ZFAND6: variants seen among roughly 807,000 people sequenced by gnomAD.
The protein encoded by ZFAND6 is AN1-type zinc finger protein 6.
ZFAND6 carries 12 observed loss-of-function variants against 24.5 expected under a neutral mutation model. The ratio of observed to expected loss-of-function variants is 0.49; its 90% CI spans 0.31 to 0.79. The LOEUF (loss-of-function observed/expected upper bound fraction) is 0.79. ZFAND6 is among the 30% of genes least tolerant of loss of function. The probability of loss-of-function intolerance (pLI) is 0.04; values close to 1 mark genes in which losing one functional copy is unlikely to be tolerated. For synonymous variants in ZFAND6, 92 were observed against 81.5 expected (o/e 1.13, Z -0.69); for missense variants, 207 against 245.9 (o/e 0.84, Z 1.06).
intron 1 of ZFAND6, chr15:80,073,302 G>T (rs997923022): frequency 2.9e-5 from 10 of 347,828 alleles, no homozygotes; most frequent in Non-Finnish European, 5.7e-5. Context: ...AACAGGAAAT[G>T]AAAGGATTTA....
chr15:80,088,598 T>C (rs893176292), intron 1 of ZFAND6, among the ~76,000 whole-genome samples: 10 of 152,224 alleles, frequency 6.6e-5, no homozygotes, highest in African/African-American at 2.4e-4. Flanking sequence ...CCTCACTCTT[T>C]CCTTATGCTT....
At chr15:80,077,609 A>C (rs1210437529) in intron 1 of ZFAND6, among the ~76,000 whole-genome samples, 4 of 152,006 alleles carry the variant, frequency 2.6e-5, no homozygotes, top group African/African-American at 9.7e-5. Flanking sequence ...GGATCAAATT[A>C]TTAACTATAG....
chr15:80,123,102 C>G, intron 5 of ZFAND6: 1 of 199,790 alleles, frequency 5.0e-6, no homozygotes, highest in South Asian at 1.1e-4. Flanking sequence ...CCGTTTCAGT[C>G]TATATACTAC....
rs532341148 is a variant in ZFAND6, at chr15:80,060,187, G to A, written c.-181+378G>A. On this transcript the variant is annotated intron_variant, in intron 1 of 6. Coordinates refer to ENST00000261749, the MANE Select transcript of ZFAND6 (RefSeq NM_019006.4). ...CGGGTTGCGAGCGGTTGGCTGGCGGGGGTCGGAAGGGCCCCGGGCACACTG... is the reference window on the plus strand; with the variant it reads ...CGGGTTGCGAGCGGTTGGCTGGCGGAGGTCGGAAGGGCCCCGGGCACACTG... 0.012 allele frequency: 1,900 copies of A among 152,170 alleles called. 33 individuals carry two copies. The highest frequency in any genetic ancestry group is 0.016 in the Non-Finnish European group (1,082 of 67,990). 9.4% of individuals were successfully genotyped at this position (152,170 alleles called of 1,614,324 possible).
At chr15:80,131,015 C>G in intron 5 of ZFAND6, 165 bp from the exon 6 acceptor site, 2 of 487,496 alleles carry the variant, frequency 4.1e-6, no homozygotes, top group Non-Finnish European at 7.4e-6. Context: ...ATACATTTAA[C>G]AAAAAGGGGT....
In ZFAND6 at chr15:80,096,356, C is replaced by T. The variant is rs148471084; in HGVS notation, c.-180-2060C>T. ...TGTACTGCAGACTCATTTAAGCCTGCGGTGAAATCAGAGTTTTAATCAGTT... is the reference window on the plus strand; with the variant it reads ...TGTACTGCAGACTCATTTAAGCCTGTGGTGAAATCAGAGTTTTAATCAGTT... On this transcript the variant is annotated intron_variant, in intron 1 of 6. Coordinates refer to ENST00000261749, the MANE Select transcript of ZFAND6 (RefSeq NM_019006.4). Among the ~76,000 whole-genome samples the T allele has an allele frequency of 7.4e-3, 1,121 of 152,240 alleles. 9 individuals are homozygous for T. The highest frequency in any genetic ancestry group is 0.021 in the African/African-American group (889 of 41,520).
intron 2 of ZFAND6, among the ~76,000 whole-genome samples, chr15:80,117,325 C>A (rs978235778): frequency 1.3e-5 from 2 of 152,100 alleles, no homozygotes; most frequent in Non-Finnish European, 2.9e-5. Flanking sequence ...TGGCTTCATG[C>A]CATTCTCCTG....
chr15:80,128,877 T>C (rs572243563), intron 5 of ZFAND6, among the ~76,000 whole-genome samples: 1 of 152,336 alleles, frequency 6.6e-6, no homozygotes, highest in Non-Finnish European at 1.5e-5. Flanking sequence ...GCATAGAAGA[T>C]AGATGTATTT....
At chr15:80,063,929 C>G (rs2036472172) in intron 1 of ZFAND6, among the ~76,000 whole-genome samples, 1 of 152,234 alleles carries the variant, frequency 6.6e-6, no homozygotes, top group Admixed American at 6.5e-5. Flanking sequence ...CTCAAATGAT[C>G]TGCCTGCCTT....
At chr15:80,126,921 T>C (rs2040392004) in intron 5 of ZFAND6, among the ~76,000 whole-genome samples, 1 of 152,098 alleles carries the variant, frequency 6.6e-6, no homozygotes, top group Non-Finnish European at 1.5e-5. Context: ...GAAACCAGCC[T>C]GGGCAACATG....
intron 1 of ZFAND6, among the ~76,000 whole-genome samples, chr15:80,065,524 A>C (rs1596173024): frequency 7.9e-6 from 1 of 127,156 alleles, no homozygotes; most frequent in Non-Finnish European, 1.7e-5. Context: ...GCTTCAAATT[A>C]GTTTTGGTTT....
chr15:80,091,250 AGAAG>A (rs1360602794), intron 1 of ZFAND6, among the ~76,000 whole-genome samples: 1 of 151,988 alleles, frequency 6.6e-6, no homozygotes, highest in Non-Finnish European at 1.5e-5. Context: ...GAATGGGGTG[AGAAG>A]GAAGGAGGAG....
chr15:80,135,662 A>ATGG (rs2040828817), intron 6 of ZFAND6, among the ~76,000 whole-genome samples: 1 of 152,270 alleles, frequency 6.6e-6, no homozygotes, highest in Non-Finnish European at 1.5e-5. Context: ...AAGATCAGGT[A>ATGG]TGGTGGCTCA....
intron 1 of ZFAND6, among the ~76,000 whole-genome samples, chr15:80,077,931 C>G (rs2037390540): frequency 6.6e-6 from 1 of 151,692 alleles, no homozygotes; most frequent in South Asian, 2.1e-4. Flanking sequence ...AACTCCTGAC[C>G]CTTGTGATCC....
At chr15:80,099,243 G>A (rs932478629) in intron 2 of ZFAND6, among the ~76,000 whole-genome samples, 19 of 152,090 alleles carry the variant, frequency 1.2e-4, no homozygotes, top group African/African-American at 4.6e-4. Context: ...CTATGGTAGG[G>A]TGGTGTCTGG....
chr15:80,119,992 T>TACTA (rs1454813038), intron 2 of ZFAND6, among the ~76,000 whole-genome samples: 1 of 152,228 alleles, frequency 6.6e-6, no homozygotes, highest in Non-Finnish European at 1.5e-5. Flanking sequence ...TATCTCTTAT[T>TACTA]ACTAGGAGGG....
In ZFAND6 at chr15:80,137,802, A is replaced by G. The variant is rs2040929305; in HGVS notation, c.*174A>G. 1.6e-6 allele frequency: 1 copy of G among 607,398 alleles called. No individual in the cohort carries two copies. Among genetic ancestry groups the G allele is most frequent in the Non-Finnish European group, 2.6e-6 (1 of 390,690 alleles). The allele number at this position is 607,398 out of a possible 1,614,324, so 37.6% of individuals were successfully genotyped here. A position where few individuals can be genotyped will look rare whatever the true frequency, so the allele number is the denominator to read the frequency against. On this transcript the variant is annotated 3_prime_UTR_variant, in exon 7 of 7. Transcript: ENST00000261749. ...ACTCTGAACATTTATTTCCATTGCA[A>G]TTTCTGTGGCTGAGGAGACTTAAAC...
chr15:80,136,155 C>T (rs1164791479), intron 6 of ZFAND6, among the ~76,000 whole-genome samples: 1 of 151,182 alleles, frequency 6.6e-6, no homozygotes, highest in East Asian at 1.9e-4. Flanking sequence ...TTAAAATATA[C>T]ATATTTAATA....
chr15:80,084,615 CAG>C (rs1352924896), intron 1 of ZFAND6, among the ~76,000 whole-genome samples: 1 of 152,150 alleles, frequency 6.6e-6, no homozygotes, highest in Non-Finnish European at 1.5e-5. Context: ...GCCGGGTTGG[CAG>C]AGAGATGATA....
Sources: gnomAD v4.1 joint callset for allele counts (sites outside exome capture counted in the v4.1 genomes callset) on GRCh38, gnomAD v4.1.1 for gene constraint, MANE v1.5 for transcripts, NCBI Gene and HGNC (gene_info 2026-07-23, HGNC 2026-07-21) for gene names.